SESTD1: variants seen among roughly 807,000 people sequenced by gnomAD.
SESTD1 encodes SEC14 and spectrin domain containing 1, also known as SEC14 domain and spectrin repeat-containing protein 1.
A neutral mutation model predicts 101.7 loss-of-function variants in SESTD1; 43 were observed. The observed-to-expected ratio is 0.42, with a 90% CI of 0.33 to 0.55. The LOEUF (loss-of-function observed/expected upper bound fraction) is 0.55, where lower values mean the gene tolerates loss of function less well. SESTD1 is among the 20% of genes least tolerant of loss of function. SESTD1 has a pLI of 0.07. For synonymous variants in SESTD1, 283 were observed against 286.8 expected, an observed-to-expected ratio of 0.99 and a Z score of 0.13; for missense variants, 647 against 815.1, an observed-to-expected ratio of 0.79 and a Z score of 2.51.
chr2:179,116,836 C>T (rs2044643876), intron 14 of SESTD1, 46 bp from the exon 15 acceptor site: 2 of 1,591,484 alleles, frequency 1.3e-6, no homozygotes, highest in Non-Finnish European at 1.7e-6. Context: ...GAACTCTTTA[C>T]TTATTGTATC....
chr2:179,217,089 T>C (rs979460606), intron 1 of SESTD1, among the ~76,000 whole-genome samples: 1 of 152,074 alleles, frequency 6.6e-6, no homozygotes, highest in Admixed American at 6.6e-5. Context: ...ACTTCATGAC[T>C]AAAACACCAA....
At chr2:179,244,352 G>C (rs956899351) in intron 1 of SESTD1, among the ~76,000 whole-genome samples, 1 of 151,792 alleles carries the variant, frequency 6.6e-6, no homozygotes, top group Non-Finnish European at 1.5e-5. Context: ...CTAGCTACTC[G>C]GGAGGCTGAG....
chr2:179,258,990 C>T (rs767630050), intron 1 of SESTD1, among the ~76,000 whole-genome samples: 1 of 152,136 alleles, frequency 6.6e-6, no homozygotes, highest in African/African-American at 2.4e-5. Context: ...GTAGGTTCCC[C>T]CCTTGGTATT....
chr2:179,140,019 C>T (rs1257289901), intron 9 of SESTD1, among the ~76,000 whole-genome samples: 1 of 152,194 alleles, frequency 6.6e-6, no homozygotes, highest in Non-Finnish European at 1.5e-5. Context: ...AGCTCTCGCT[C>T]TTACATTCTA....
At position 179,207,508 on chromosome 2, in the gene SESTD1, G is replaced by A. The variant is rs1420686281; in HGVS notation, c.-25-15642C>T. 4.4e-5 allele frequency among the ~76,000 whole-genome samples: 6 copies of A among 135,008 alleles called. 1 individual carries two copies. The highest frequency in any genetic ancestry group is 6.4e-5 in the Non-Finnish European group (4 of 62,770). 88.6% of individuals were successfully genotyped at this position (135,008 alleles called of 152,430 possible). A position where few individuals can be genotyped will look rare whatever the true frequency, so the allele number is the denominator to read the frequency against. ...ATTTACTCCCCTGCCACCTCCACCT[G>A]AGCAGGTGCTGATAACCACAGAGGG... On this transcript the variant is annotated intron_variant, in intron 1 of 17. Coordinates refer to ENST00000428443, the MANE Select transcript of SESTD1 (RefSeq NM_178123.5).
intron 2 of SESTD1, among the ~76,000 whole-genome samples, chr2:179,187,394 G>A (rs1037751159): frequency 6.6e-6 from 1 of 152,210 alleles, no homozygotes; most frequent in Non-Finnish European, 1.5e-5. Flanking sequence ...GGAGACTGAG[G>A]TAGAAGGATC....
chr2:179,157,290 T>C (rs908184370), intron 5 of SESTD1, among the ~76,000 whole-genome samples: 3 of 152,108 alleles, frequency 2.0e-5, no homozygotes, highest in Non-Finnish European at 2.9e-5. Context: ...AAAATGCCCA[T>C]ACTGCCAAAA....
intron 6 of SESTD1, among the ~76,000 whole-genome samples, chr2:179,150,324 GAC>G (rs1336037783): frequency 2.0e-5 from 3 of 151,744 alleles, no homozygotes; most frequent in African/African-American, 7.3e-5. Context: ...GAGTTAATCT[GAC>G]GTTTGTTCTT....
At chr2:179,166,338 C>A (rs953073798) in intron 5 of SESTD1, among the ~76,000 whole-genome samples, 1 of 151,972 alleles carries the variant, frequency 6.6e-6, no homozygotes. Flanking sequence ...TGAAGCACAG[C>A]CCAAAATCTT....
intron 1 of SESTD1, among the ~76,000 whole-genome samples, chr2:179,251,449 G>A (rs889213834): frequency 1.3e-5 from 2 of 152,206 alleles, no homozygotes; most frequent in African/African-American, 4.8e-5. Flanking sequence ...GTTACCATAT[G>A]TGGAATGATT....
At chr2:179,238,106 A>T (rs1399570792) in intron 1 of SESTD1, among the ~76,000 whole-genome samples, 1 of 152,232 alleles carries the variant, frequency 6.6e-6, no homozygotes, top group Non-Finnish European at 1.5e-5. Context: ...AATCTTATTA[A>T]GAAAATCAAA....
At chr2:179,231,941 T>C (rs1250227943) in intron 1 of SESTD1, among the ~76,000 whole-genome samples, 1 of 151,990 alleles carries the variant, frequency 6.6e-6, no homozygotes, top group Non-Finnish European at 1.5e-5. Context: ...TAGCAACTAC[T>C]TTTAAAAAGC....
At chr2:179,194,448 A>G (rs536564286) in intron 1 of SESTD1, among the ~76,000 whole-genome samples, 3 of 152,150 alleles carry the variant, frequency 2.0e-5, no homozygotes, top group Admixed American at 6.5e-5. Context: ...TCATTTCATG[A>G]AGGAATTTAC....
chr2:179,235,738 G>A (rs1431348328), intron 1 of SESTD1, among the ~76,000 whole-genome samples: 1 of 152,086 alleles, frequency 6.6e-6, no homozygotes, highest in Middle Eastern at 3.2e-3. Flanking sequence ...TGAAAATCCC[G>A]AATGGTACTC....
At chr2:179,262,793 G>C (rs1373789373) in intron 1 of SESTD1, among the ~76,000 whole-genome samples, 5 of 152,100 alleles carry the variant, frequency 3.3e-5, no homozygotes, top group African/African-American at 1.2e-4. Flanking sequence ...TTCATTTTCA[G>C]ATATATCATT....
chr2:179,217,212 G>A (rs1251895324), intron 1 of SESTD1, among the ~76,000 whole-genome samples: 1 of 152,064 alleles, frequency 6.6e-6, no homozygotes, highest in East Asian at 1.9e-4. Context: ...CAGAATGGGA[G>A]AAAATTTCTG....
At chr2:179,181,991 T>TA (rs35017699) in intron 3 of SESTD1, among the ~76,000 whole-genome samples, 189 of 139,614 alleles carry the variant, frequency 1.4e-3, no homozygotes, top group East Asian at 3.1e-3. Flanking sequence ...TCCACAATAT[T>TA]AAAAAAAAAA....
At chr2:179,218,572 A>C (rs1434069229) in intron 1 of SESTD1, among the ~76,000 whole-genome samples, 1 of 152,032 alleles carries the variant, frequency 6.6e-6, no homozygotes, top group Admixed American at 6.5e-5. Flanking sequence ...ACCAAAAAAA[A>C]CTAATATCAT....
chr2:179,263,761 T>C (rs2047515919), intron 1 of SESTD1, among the ~76,000 whole-genome samples: 1 of 152,164 alleles, frequency 6.6e-6, no homozygotes, highest in Admixed American at 6.5e-5. Flanking sequence ...CTGGTCAGAC[T>C]GCGGCTCTTT....
Sources: allele counts gnomAD v4.1 joint callset (sites outside exome capture counted in the v4.1 genomes callset), GRCh38; gene constraint gnomAD v4.1.1; transcripts MANE v1.5; gene names NCBI Gene and HGNC (gene_info 2026-07-23, HGNC 2026-07-21).